The following STPG2 variants were observed in gnomAD, a reference collection of about 807,000 sequenced individuals.
The protein encoded by STPG2 is sperm-tail PG-rich repeat-containing protein 2.
In STPG2, 56 loss-of-function variants were observed where a neutral mutation model predicts 54.2. That is an observed-to-expected ratio of 1.03 (90% CI 0.83 to 1.29). The LOEUF (loss-of-function observed/expected upper bound fraction) is 1.29. STPG2 is among the 50% of genes most tolerant of loss of function. The pLI is 0.00. For synonymous variants in STPG2, 200 were observed against 181.8 expected (o/e 1.10, Z -0.81); for missense variants, 596 against 544.9 (o/e 1.09, Z -0.93).
intron 9 of STPG2, among the ~76,000 whole-genome samples, chr4:97,735,382 G>C (rs1724948197): frequency 6.6e-6 from 1 of 151,238 alleles, no homozygotes; most frequent in Non-Finnish European, 1.5e-5. Flanking sequence ...GTGATACAAT[G>C]TACTTTAGAG....
chr4:97,716,519 TA>T (rs1199867114), intron 9 of STPG2, among the ~76,000 whole-genome samples: 2 of 151,760 alleles, frequency 1.3e-5, no homozygotes, highest in Admixed American at 6.6e-5. Context: ...TATGCAGGTA[TA>T]AAAAAAGGAT....
chr4:97,813,494 G>A (rs1397926429), intron 9 of STPG2, among the ~76,000 whole-genome samples: 1 of 151,364 alleles, frequency 6.6e-6, no homozygotes, highest in African/African-American at 2.4e-5. Flanking sequence ...AGTATGTGAG[G>A]TCATATAGAT....
chr4:97,834,059 G>A (rs891068748), intron 9 of STPG2, among the ~76,000 whole-genome samples: 1 of 152,052 alleles, frequency 6.6e-6, no homozygotes, highest in Admixed American at 6.6e-5. Context: ...ACATGCACAC[G>A]TATGTGTATT....
chr4:97,842,728 A>G (rs947940907), intron 8 of STPG2, among the ~76,000 whole-genome samples: 1 of 151,902 alleles, frequency 6.6e-6, no homozygotes, highest in African/African-American at 2.4e-5. Flanking sequence ...CACCTGGAAA[A>G]GTTTGTCAAA....
rs544868250 is a variant in STPG2 at position 97,859,353 on chromosome 4, G to A, written c.1045-18421C>T. The stretch of plus-strand genomic sequence containing the variant: ...ATTTTCTCTTTTCTCCCACTCTGTG[G>A]GATGTACATTTACTCTGCTGATTAT... On this transcript the variant is annotated intron_variant, in intron 8 of 10. Transcript: ENST00000295268. 2.8e-3 allele frequency among the ~76,000 whole-genome samples: 427 copies of A among 151,928 alleles called. 6 individuals carry two copies. The highest frequency in any genetic ancestry group is 1.9e-3 in the Non-Finnish European group (132 of 67,974).
chr4:97,862,177 C>T (rs1729574765), intron 8 of STPG2, among the ~76,000 whole-genome samples: 1 of 151,720 alleles, frequency 6.6e-6, no homozygotes, highest in South Asian at 2.1e-4. Context: ...TCAGGAAACC[C>T]ATCTCACCTT....
At chr4:97,977,634 G>T (rs1352639096) in intron 6 of STPG2, among the ~76,000 whole-genome samples, 1 of 152,162 alleles carries the variant, frequency 6.6e-6, no homozygotes, top group African/African-American at 2.4e-5. Flanking sequence ...AAAGCAAATG[G>T]TTTTATCTGA....
intron 10 of STPG2, among the ~76,000 whole-genome samples, chr4:97,614,246 TGC>T (rs1733803638): frequency 6.6e-6 from 1 of 152,046 alleles, no homozygotes; most frequent in South Asian, 2.1e-4. Flanking sequence ...ACCATGTCAT[TGC>T]AGTATTCTCT....
downstream of STPG2, among the ~76,000 whole-genome samples, chr4:97,557,859 G>A (rs1732116585): frequency 6.6e-6 from 1 of 152,184 alleles, no homozygotes; most frequent in Admixed American, 6.5e-5. Flanking sequence ...GATACTAAGA[G>A]TTTCTTGCAA....
At chr4:97,516,588 C>T (rs1018118066) in intron 4 of STPG2, among the ~76,000 whole-genome samples, 21 of 152,002 alleles carry the variant, frequency 1.4e-4, no homozygotes, top group Admixed American at 3.9e-4. Flanking sequence ...TTTGGGAGAC[C>T]GAGGCTGGTG....
chr4:97,843,360 T>C (rs1255384912), intron 8 of STPG2, among the ~76,000 whole-genome samples: 1 of 151,944 alleles, frequency 6.6e-6, no homozygotes, highest in Non-Finnish European at 1.5e-5. Flanking sequence ...ATCCTGGTCA[T>C]AGGCTTAGTG....
intron 8 of STPG2, among the ~76,000 whole-genome samples, chr4:97,876,654 C>A (rs1730181505): frequency 6.6e-6 from 1 of 151,812 alleles, no homozygotes; most frequent in Non-Finnish European, 1.5e-5. Context: ...ATATTCTACT[C>A]TATGTAAGTT....
At chr4:97,612,799 A>G (rs2148916363) in intron 10 of STPG2, among the ~76,000 whole-genome samples, 1 of 152,200 alleles carries the variant, frequency 6.6e-6, no homozygotes, top group South Asian at 2.1e-4. Context: ...ACACTACAGC[A>G]TAAATAAAAC....
intron 10 of STPG2, among the ~76,000 whole-genome samples, chr4:97,635,981 C>A (rs11939420): frequency 0.017 from 2,619 of 152,188 alleles, 62 homozygotes; most frequent in African/African-American, 0.059. Context: ...CAGCTCTGCA[C>A]CAAGTGGACC....
chr4:98,015,167 A>G (rs1735898699), intron 5 of STPG2, among the ~76,000 whole-genome samples: 1 of 152,216 alleles, frequency 6.6e-6, no homozygotes, highest in African/African-American at 2.4e-5. Flanking sequence ...CATGATTAAA[A>G]CACCAAAAGT....
chr4:97,903,785 G>T (rs1027145592), intron 8 of STPG2, among the ~76,000 whole-genome samples: 1 of 152,178 alleles, frequency 6.6e-6, no homozygotes, highest in Non-Finnish European at 1.5e-5. Flanking sequence ...TGCCTCACTC[G>T]GGAAGCGCAA....
At chr4:97,622,228 G>A (rs1734030679) in intron 10 of STPG2, among the ~76,000 whole-genome samples, 1 of 152,128 alleles carries the variant, frequency 6.6e-6, no homozygotes, top group African/African-American at 2.4e-5. Context: ...AGACAAGGAT[G>A]TTATTTCTCA....
intron 9 of STPG2, among the ~76,000 whole-genome samples, chr4:97,723,845 C>T (rs1449842914): frequency 2.6e-5 from 4 of 152,136 alleles, no homozygotes; most frequent in Non-Finnish European, 5.9e-5. Context: ...CTTGTGATAA[C>T]ACTATCATGA....
intron 9 of STPG2, among the ~76,000 whole-genome samples, chr4:97,727,030 G>A (rs1339833696): frequency 6.6e-6 from 1 of 151,894 alleles, no homozygotes; most frequent in East Asian, 1.9e-4. Context: ...GTTTTGAAAA[G>A]AAGGGAATTA....
Sources: gnomAD v4.1 joint callset for allele counts (sites outside exome capture counted in the v4.1 genomes callset) on GRCh38, gnomAD v4.1.1 for gene constraint, MANE v1.5 for transcripts, NCBI Gene and HGNC (gene_info 2026-07-23, HGNC 2026-07-21) for gene names.